The following IL16 variants were observed in gnomAD, a reference collection of about 807,000 sequenced individuals.
IL16 encodes interleukin 16.
Under a neutral mutation model 110.1 loss-of-function variants are expected in IL16, and 67 were observed. The ratio of observed to expected loss-of-function variants is 0.61; its 90% confidence interval spans 0.50 to 0.75. The LOEUF is 0.75. Ranked by LOEUF, IL16 falls within the 30% of genes least tolerant of loss-of-function variation. The pLI is 0.00. For synonymous variants in IL16, 689 were observed against 662.9 expected, an observed-to-expected ratio of 1.04 and a Z score of -0.61; for missense variants, 1,545 against 1,655.0, an observed-to-expected ratio of 0.93 and a Z score of 1.15.
intron 12 of IL16, among the ~76,000 whole-genome samples, chr15:81,294,658 C>T (rs1899899071): frequency 6.6e-6 from 1 of 152,178 alleles, no homozygotes; most frequent in Admixed American, 6.5e-5. Flanking sequence ...TCTGCAGCTG[C>T]CCTCCTCTGT....
intron 2 of IL16, among the ~76,000 whole-genome samples, chr15:81,242,113 C>G (rs1897357478): frequency 6.6e-6 from 1 of 152,146 alleles, no homozygotes; most frequent in Non-Finnish European, 1.5e-5. Context: ...TATCTCTTAC[C>G]AAATATCACA....
chr15:81,243,442 C>T (rs1378288999), intron 2 of IL16, among the ~76,000 whole-genome samples: 2 of 151,692 alleles, frequency 1.3e-5, no homozygotes, highest in Non-Finnish European at 2.9e-5. Context: ...GCCTCAGTCT[C>T]CCAAAGTGCT....
chr15:81,201,923 A>G (rs1895831894), intron 1 of IL16, among the ~76,000 whole-genome samples: 1 of 152,200 alleles, frequency 6.6e-6, no homozygotes, highest in South Asian at 2.1e-4. Flanking sequence ...TATTCCATGT[A>G]TCTTGATGAT....
intron 2 of IL16, among the ~76,000 whole-genome samples, chr15:81,229,596 A>T (rs2142053642): frequency 6.6e-6 from 1 of 152,194 alleles, no homozygotes; most frequent in Non-Finnish European, 1.5e-5. Flanking sequence ...TAAGCAAGGG[A>T]GGGTTTCAGT....
At chr15:81,294,159 A>C (rs1438897519) in intron 12 of IL16, among the ~76,000 whole-genome samples, 1 of 152,144 alleles carries the variant, frequency 6.6e-6, no homozygotes, top group African/African-American at 2.4e-5. Flanking sequence ...CGGGATGTTG[A>C]GTAGGAGGGG....
chr15:81,232,318 A>T, intron 2 of IL16, among the ~76,000 whole-genome samples: 1 of 151,816 alleles, frequency 6.6e-6, no homozygotes. Flanking sequence ...CTCCCCTTCC[A>T]ATTTTTATAC....
chr15:81,219,531 G>C (rs1423879358), intron 1 of IL16, among the ~76,000 whole-genome samples: 2 of 152,088 alleles, frequency 1.3e-5, no homozygotes, highest in African/African-American at 4.8e-5. Flanking sequence ...ATCTTGTTGA[G>C]GCCCACCTGA....
rs1312202612 is a variant in IL16, at chr15:81,299,646, G to A, written c.2320G>A (p.Ala774Thr). 8 of 1,614,076 alleles carry A rather than the reference G, an allele frequency of 5.0e-6. No homozygotes were observed. Among genetic ancestry groups the A allele is most frequent in the African/African-American group, 2.7e-5 (2 of 74,920 alleles). Residue 774 changes from alanine (A) to threonine (T), a missense_variant, in exon 14 of 19, where the codon GCA (alanine) becomes ACA (threonine). By Grantham distance (58) the Ala-to-Thr change is moderately conservative. Transcript: ENST00000683961. ...ANGTPKVYKS[A>T]DSSTVKKGPP... The stretch of plus-strand genomic sequence containing the variant: ...TGGCACTCCCAAAGTTTACAAGTCA[G>A]CAGACAGCAGCACTGTGAAGAAAGG...
chr15:81,197,071 A>G lies in IL16; in HGVS notation c.-183A>G. The G allele has an allele frequency of 7.8e-7, 1 of 1,288,760 alleles. No homozygotes were observed. Among genetic ancestry groups the G allele is most frequent in the Non-Finnish European group, 1.0e-6 (1 of 988,488 alleles). The allele number at this position is 1,288,760 out of a possible 1,614,324, so 79.8% of individuals were successfully genotyped here. A position where few individuals can be genotyped will look rare whatever the true frequency, so the allele number is the denominator to read the frequency against. ...CTGTCCGGGAATAAGTGGTGCTGCA[A>G]TCCCTGCTGGGCAGATGGAGAGAGG... On this transcript the variant is annotated 5_prime_UTR_variant, in exon 1 of 19. Transcript: ENST00000683961.
At chr15:81,295,792 G>A (rs145215509) in intron 12 of IL16, among the ~76,000 whole-genome samples, 106 of 152,270 alleles carry the variant, frequency 7.0e-4, no homozygotes, top group African/African-American at 2.5e-3. Context: ...CCTCCAAAAT[G>A]TTTATTGTCA....
chr15:81,313,644 C>T lies in IL16; in HGVS notation c.*4846C>T, dbSNP rs1445850714. 1 of 320,220 alleles carries T rather than the reference C, an allele frequency of 3.1e-6. No homozygotes were observed. The highest frequency in any genetic ancestry group is 5.7e-6 in the Non-Finnish European group (1 of 176,860). The allele number at this position is 320,220 out of a possible 1,614,324, so 19.8% of individuals were successfully genotyped here. On this transcript the variant is annotated 3_prime_UTR_variant, in exon 19 of 19. Transcript: ENST00000683961. The stretch of plus-strand genomic sequence containing the variant: ...CCGGCCTCCAGGGAGGAAGAAGTCC[C>T]TACTCCCAGCCCAAAAACCCAGTAC...
Position 81,300,099 on chromosome 15 carries a change from C to T in IL16, c.2773C>T (p.Pro925Ser), listed in dbSNP as rs762035180. 1 of 1,584,064 alleles carries T rather than the reference C, an allele frequency of 6.3e-7. No individual in the cohort carries two copies. Among genetic ancestry groups the T allele is most frequent in the South Asian group, 1.2e-5 (1 of 85,854 alleles). Residue 925 changes from proline (P) to serine (S), a missense_variant, in exon 14 of 19, where the codon CCA becomes TCA. By Grantham distance (74) the Pro-to-Ser change is moderately conservative. This residue lies in a region of IL16 where 1,185 missense variants were observed against 1,238.8 expected (regional missense o/e 0.96). Coordinates refer to ENST00000683961, the MANE Select transcript of IL16 (RefSeq NM_172217.5). ...CCCAGGTGTGTCTGAGTCCCCTCCC[C>T]CAGGGCGGCAGCCCAATCAGAAAAC... Reference protein sequence around the residue: ...RDPGVSESPPPGRQPNQKTLP... With the variant: ...RDPGVSESPPSGRQPNQKTLP...
Position 81,225,430 on chromosome 15 carries a change from AG to A in IL16, c.32del (p.Arg11LysfsTer13), listed in dbSNP as rs1896755196. MESHSRAGKSRKSAKFRSISR... is the reference protein window; with the variant it reads MESHSRAGKSXKSAKFRSISR... The stretch of plus-strand genomic sequence containing the variant: ...GTCGCACAGCCGCGCTGGAAAGAGC[AG>A]AAAATCTGCAAAATTTCGGTCCATC... On this transcript the variant is annotated frameshift_variant, in exon 2 of 19. Coordinates refer to ENST00000683961, the MANE Select transcript of IL16 (RefSeq NM_172217.5). LOFTEE classifies it high-confidence loss of function. 6.2e-7 allele frequency: 1 copy of A among 1,614,198 alleles called. No homozygotes were observed. Among genetic ancestry groups the A allele is most frequent in the African/African-American group, 1.3e-5 (1 of 75,070 alleles).
chr15:81,232,112 G>A (rs1037396605), intron 2 of IL16, among the ~76,000 whole-genome samples: 12 of 74,298 alleles, frequency 1.6e-4, no homozygotes, highest in African/African-American at 2.3e-4. Context: ...TGGTTTTTCC[G>A]TTGGAATTTT....
chr15:81,196,290 G>A (rs963859385), upstream of IL16, among the ~76,000 whole-genome samples: 1 of 152,186 alleles, frequency 6.6e-6, no homozygotes, highest in African/African-American at 2.4e-5. Flanking sequence ...GAAATTCCAC[G>A]GCACGTAGTA....
chr15:81,308,469 A>C, intron 18 of IL16, 136 bp from the exon 19 acceptor site: 1 of 628,710 alleles, frequency 1.6e-6, no homozygotes, highest in Non-Finnish European at 2.8e-6. Flanking sequence ...TTTTAGAACC[A>C]CCAACAAGCA....
chr15:81,291,601 C>T (rs1899720139), intron 11 of IL16, among the ~76,000 whole-genome samples: 1 of 152,194 alleles, frequency 6.6e-6, no homozygotes, highest in African/African-American at 2.4e-5. Context: ...TCTCCCACCC[C>T]TTCAAGCTGT....
At chr15:81,231,324 G>GTCTCTCTCTCTCTCTCTCTCTCTC (rs532872365) in intron 2 of IL16, among the ~76,000 whole-genome samples, 1 of 47,142 alleles carries the variant, frequency 2.1e-5, no homozygotes, top group Non-Finnish European at 4.2e-5. Flanking sequence ...AGGTCGGTCT[G>GTCTCTCTCTCTCTCTCTCTCTCTC]TCTCTCTCTC....
At chr15:81,227,972 C>G (rs1315943040) in intron 2 of IL16, among the ~76,000 whole-genome samples, 1 of 152,080 alleles carries the variant, frequency 6.6e-6, no homozygotes, top group Non-Finnish European at 1.5e-5. Context: ...AGGAGGTGCC[C>G]TGTCCCAACA....
Sources: allele counts gnomAD v4.1 joint callset (sites outside exome capture counted in the v4.1 genomes callset), GRCh38; gene constraint gnomAD v4.1.1; regional missense constraint gnomAD v4.1.1; transcripts MANE v1.5; gene names NCBI Gene and HGNC (gene_info 2026-07-23, HGNC 2026-07-21).